UGT2B11: variants seen among roughly 807,000 people sequenced by gnomAD.
UGT2B11 encodes the protein UDP-glucuronosyltransferase 2B11.
A neutral mutation model predicts 51.7 loss-of-function variants in UGT2B11; 49 were observed. That is an observed-to-expected ratio of 0.95 (90% CI 0.75 to 1.20). UGT2B11 has a LOEUF of 1.20. UGT2B11 is among the 50% of genes most tolerant of loss of function. The pLI is 0.00. For synonymous variants in UGT2B11, 273 were observed against 209.0 expected (o/e 1.31, Z -2.64); for missense variants, 810 against 622.1 (o/e 1.30, Z -3.21).
chr4:69,202,930 G>T (rs1422854796), intron 5 of UGT2B11, among the ~76,000 whole-genome samples: 2 of 151,540 alleles, frequency 1.3e-5, no homozygotes. Context: ...TTTATTGAGA[G>T]TAGTTATAAA....
rs764600893 is a variant in UGT2B11 at position 69,200,655 on chromosome 4, G to C, written c.1375C>G (p.Arg459Gly). Residue 459 changes from arginine to glycine, a missense_variant, in exon 6 of 6, where the codon CGA (arginine) becomes GGA (glycine). By Grantham distance (125) the Arg-to-Gly change is moderately radical. Transcript: ENST00000446444. ...ACAAATTCAATCCAGAAGACTGCTCGATCCAGGGGCTTTACTGGTTGATCA... is the reference window on the plus strand; with the variant it reads ...ACAAATTCAATCCAGAAGACTGCTCCATCCAGGGGCTTTACTGGTTGATCA... ...QHDQPVKPLD[R>G]AVFWIEFVMP... The C allele has an allele frequency of 1.2e-6, 2 of 1,612,302 alleles. No homozygotes were observed. The highest frequency in any genetic ancestry group is 1.7e-6 in the Non-Finnish European group (2 of 1,178,904).
At chr4:69,219,046 A>G (rs1359144346), upstream of UGT2B11, among the ~76,000 whole-genome samples, 1 of 152,040 alleles carries the variant, frequency 6.6e-6, no homozygotes, top group East Asian at 1.9e-4. Flanking sequence ...CAGGCACCCC[A>G]TTCAGCGTCC....
chr4:69,200,742 C>T, intron 5 of UGT2B11, 23 bp from the exon 6 acceptor site: 1 of 1,586,694 alleles, frequency 6.3e-7, no homozygotes, highest in Non-Finnish European at 8.6e-7. Context: ...AATAAGGATA[C>T]CAACACTGAA....
At chr4:69,206,520 G>A (rs1250261906) in intron 3 of UGT2B11, among the ~76,000 whole-genome samples, 2 of 151,398 alleles carry the variant, frequency 1.3e-5, no homozygotes, top group African/African-American at 2.4e-5. Flanking sequence ...AATAATAAAC[G>A]AATATTAGTC....
Position 69,204,508 on chromosome 4 carries a change from G to T in UGT2B11, c.1232C>A (p.Ala411Glu). The change falls in exon 5 of 6, where the codon GCA (alanine) becomes GAA (glutamate). Residue 411 changes from alanine to glutamate, a missense_variant. Transcript: ENST00000446444. ...TGTGTTGAAGTCCAATCTAACAGCT[G>T]CTCCCTTGGCCTTCATGTGAGCAAT... ...DNIAHMKAKG[A>E]AVRLDFNTMS... 3 of 1,612,250 alleles carry T rather than the reference G, an allele frequency of 1.9e-6. No homozygotes were observed. Among genetic ancestry groups the T allele is most frequent in the Non-Finnish European group, 2.5e-6 (3 of 1,178,864 alleles).
At chr4:69,219,783 T>C in the UGT2B11 span, among the ~76,000 whole-genome samples, 1 of 152,140 alleles carries the variant, frequency 6.6e-6, no homozygotes, top group Admixed American at 6.6e-5. Flanking sequence ...TCTCACCAAG[T>C]TCCTCCCACA....
At chr4:69,206,616 G>A (rs1157169278) in intron 3 of UGT2B11, among the ~76,000 whole-genome samples, 3 of 150,868 alleles carry the variant, frequency 2.0e-5, no homozygotes, top group Non-Finnish European at 4.4e-5. Flanking sequence ...ATGTACTCCT[G>A]AACTTAAAAG....
At position 69,200,334 on chromosome 4, in the gene UGT2B11, T is replaced by TTTTAAAA; in HGVS notation, c.*105_*106insTTTTAAA. 2 of 1,086,968 alleles carry TTTTAAAA rather than the reference T, an allele frequency of 1.8e-6. No homozygotes were observed. Among genetic ancestry groups the TTTTAAAA allele is most frequent in the Non-Finnish European group, 2.3e-6 (2 of 854,138 alleles). 67.3% of individuals were successfully genotyped at this position (1,086,968 alleles called of 1,614,324 possible). On this transcript the variant is annotated 3_prime_UTR_variant, in exon 6 of 6. Transcript: ENST00000446444. ...AAAATTTTTTTTTTTTTTTTTTTTT[T>TTTTAAAA]GTCACAGGAAGAAAGAAATCTTGCA... is the stretch of plus-strand genomic sequence containing the variant.
chr4:69,219,751 G>A, the UGT2B11 span, among the ~76,000 whole-genome samples: 1 of 152,136 alleles, frequency 6.6e-6, no homozygotes, highest in Non-Finnish European at 1.5e-5. Flanking sequence ...TGGGAAAAAT[G>A]CGCTACAATG....
intron 2 of UGT2B11, among the ~76,000 whole-genome samples, chr4:69,209,827 T>C (rs1721991613): frequency 6.6e-6 from 1 of 151,592 alleles, no homozygotes; most frequent in Non-Finnish European, 1.5e-5. Flanking sequence ...ATCTAATCTC[T>C]GTTTAGAGAT....
At chr4:69,212,823 G>T in intron 1 of UGT2B11, 102 bp from the exon 2 acceptor site, 1 of 1,270,732 alleles carries the variant, frequency 7.9e-7, no homozygotes, top group Non-Finnish European at 1.0e-6. Context: ...TGTAGGTAAA[G>T]TTTATGTGCT....
At chr4:69,208,599 T>A (rs1721946957) in intron 2 of UGT2B11, 117 bp from the exon 3 acceptor site, 8 of 1,505,558 alleles carry the variant, frequency 5.3e-6, no homozygotes, top group Non-Finnish European at 7.1e-6. Context: ...TTATTGGAAT[T>A]AATAATATTT....
chr4:69,222,799 T>C, the UGT2B11 span, among the ~76,000 whole-genome samples: 12 of 152,300 alleles, frequency 7.9e-5, no homozygotes, highest in African/African-American at 2.6e-4. Context: ...GGCATGCACA[T>C]GAATGGGCCC....
At position 69,200,412 on chromosome 4, in the gene UGT2B11, G is replaced by C; in HGVS notation, c.*28C>G. On this transcript the variant is annotated 3_prime_UTR_variant, in exon 6 of 6. Transcript: ENST00000446444. ...AAACTGAAGTTGTCCTATCTATCTG[G>C]TTTTCCAGCTTCAAATGTCAGACAT... is the stretch of plus-strand genomic sequence containing the variant. The C allele has an allele frequency of 6.3e-7, 1 of 1,585,608 alleles. No individual in the cohort carries two copies. Among genetic ancestry groups the C allele is most frequent in the Non-Finnish European group, 8.6e-7 (1 of 1,164,972 alleles).
intron 3 of UGT2B11, among the ~76,000 whole-genome samples, chr4:69,206,416 T>G (rs1260701222): frequency 1.3e-5 from 2 of 151,556 alleles, no homozygotes; most frequent in African/African-American, 4.8e-5. Context: ...GAGTGGAAGC[T>G]AAAAGATGAG....
intron 2 of UGT2B11, among the ~76,000 whole-genome samples, chr4:69,210,720 T>C (rs1722029759): frequency 6.6e-6 from 1 of 151,610 alleles, no homozygotes; most frequent in African/African-American, 2.4e-5. Context: ...CTTCAGCTTT[T>C]CTCTCTTGAG....
intron 2 of UGT2B11, among the ~76,000 whole-genome samples, chr4:69,209,703 A>T (rs1166380910): frequency 2.0e-5 from 3 of 151,546 alleles, no homozygotes; most frequent in Non-Finnish European, 4.4e-5. Flanking sequence ...TGGGGCTTCT[A>T]GGTGTTGCGT....
At chr4:69,200,979 G>C (rs368438486) in intron 5 of UGT2B11, among the ~76,000 whole-genome samples, 1 of 150,586 alleles carries the variant, frequency 6.6e-6, no homozygotes, top group South Asian at 2.1e-4. Context: ...AAAATATAAG[G>C]CATTTTAACT....
chr4:69,214,323 T>A lies in UGT2B11; in HGVS notation c.400A>T (p.Lys134Ter), dbSNP rs371579567. 3 of 1,613,058 alleles carry A rather than the reference T, an allele frequency of 1.9e-6. No individual in the cohort carries two copies. Among genetic ancestry groups the A allele is most frequent in the Non-Finnish European group, 2.5e-6 (3 of 1,179,496 alleles). Reference sequence around the variant, plus strand: ...TCTTGTAGTTTTTTCATAACTTTCTTATTTGAAACTACATCTTTACAGAAG... The same window carrying A: ...TCTTGTAGTTTTTTCATAACTTTCTAATTTGAAACTACATCTTTACAGAAG... ...RNFCKDVVSN[K>*]KVMKKLQESR... The change falls in exon 1 of 6, where the codon AAG becomes TAG. Residue 134 changes from lysine (K) to a stop codon, truncating the protein, a stop_gained. Coordinates refer to ENST00000446444, the MANE Select transcript of UGT2B11 (RefSeq NM_001073.3). LOFTEE classifies it high-confidence loss of function.
Sources: allele counts gnomAD v4.1 joint callset (sites outside exome capture counted in the v4.1 genomes callset), GRCh38; gene constraint gnomAD v4.1.1; transcripts MANE v1.5; gene names NCBI Gene and HGNC (gene_info 2026-07-23, HGNC 2026-07-21).